The following NDUFAF6 variants were observed in gnomAD, a reference collection of about 807,000 sequenced individuals.
The protein encoded by NDUFAF6 is NADH dehydrogenase (ubiquinone) complex I, assembly factor 6.
NDUFAF6 carries 45 observed loss-of-function variants against 40.8 expected under a neutral mutation model. The ratio of observed to expected loss-of-function variants is 1.10; its 90% CI spans 0.87 to 1.42. The LOEUF (loss-of-function observed/expected upper bound fraction) is 1.42, where lower values mean the gene tolerates loss of function less well. NDUFAF6 is among the 40% of genes most tolerant of loss of function. NDUFAF6 has a pLI of 0.00. For synonymous variants in NDUFAF6, 185 were observed against 155.9 expected, an observed-to-expected ratio of 1.19 and a Z score of -1.39; for missense variants, 435 against 418.5, an observed-to-expected ratio of 1.04 and a Z score of -0.34.
At chr8:94,965,571 A>G (rs1823947284) in intron 1 of NDUFAF6, among the ~76,000 whole-genome samples, 1 of 152,246 alleles carries the variant, frequency 6.6e-6, no homozygotes, top group Non-Finnish European at 1.5e-5. Flanking sequence ...GGAATAAGCC[A>G]GACAAGGGCT....
intron 1 of NDUFAF6, among the ~76,000 whole-genome samples, chr8:94,969,840 G>A (rs564426309): frequency 6.6e-6 from 1 of 152,236 alleles, no homozygotes; most frequent in African/African-American, 2.4e-5. Context: ...TAAGAAAAAT[G>A]CTAAGACCTT....
At chr8:94,956,600 C>T (rs1823094831), upstream of NDUFAF6, among the ~76,000 whole-genome samples, 1 of 152,008 alleles carries the variant, frequency 6.6e-6, no homozygotes, top group African/African-American at 2.4e-5. Context: ...TGAAAGGATT[C>T]AATAATTTCA....
At chr8:95,000,954 C>CTTTT (rs1158530408) in intron 2 of NDUFAF6, among the ~76,000 whole-genome samples, 29 of 134,016 alleles carry the variant, frequency 2.2e-4, no homozygotes, top group African/African-American at 8.0e-4. Flanking sequence ...CTTCCCCTTA[C>CTTTT]TTTTTTTTTT....
At chr8:95,042,287 G>A (rs1172907859) in intron 4 of NDUFAF6, among the ~76,000 whole-genome samples, 1 of 152,166 alleles carries the variant, frequency 6.6e-6, no homozygotes, top group Non-Finnish European at 1.5e-5. Flanking sequence ...TTAGGTCTGT[G>A]TTCCCCTTGG....
At chr8:95,079,513 C>G (rs1808747833), downstream of NDUFAF6, among the ~76,000 whole-genome samples, 1 of 152,006 alleles carries the variant, frequency 6.6e-6, no homozygotes, top group Non-Finnish European at 1.5e-5. Flanking sequence ...CCATGACATT[C>G]CATTCAAAGG....
intron 8 of NDUFAF6, among the ~76,000 whole-genome samples, chr8:95,056,673 G>A (rs911947403): frequency 6.6e-6 from 1 of 152,024 alleles, no homozygotes; most frequent in Non-Finnish European, 1.5e-5. Context: ...TTGGGAGGCC[G>A]AGGAGGATGG....
chr8:95,018,307 G>A (rs563547515), intron 2 of NDUFAF6, among the ~76,000 whole-genome samples: 2 of 152,016 alleles, frequency 1.3e-5, no homozygotes, highest in South Asian at 4.2e-4. Flanking sequence ...CAAGTGCGGT[G>A]ATTACAGGTG....
intron 2 of NDUFAF6, among the ~76,000 whole-genome samples, chr8:95,011,295 C>T (rs77079904): frequency 0.012 from 1,810 of 152,300 alleles, 46 homozygotes; most frequent in African/African-American, 0.04. Flanking sequence ...TTGTCCCTTT[C>T]CCAAAGAGAC....
At chr8:94,923,739 A>C (rs1236781086) in intron 1 of NDUFAF6, among the ~76,000 whole-genome samples, 1 of 138,256 alleles carries the variant, frequency 7.2e-6, no homozygotes, top group Admixed American at 7.3e-5. Context: ...GAGTGCAGTG[A>C]GGGGATCTTG....
chr8:94,948,329 T>C (rs1470597835), intron 2 of NDUFAF6, among the ~76,000 whole-genome samples: 1 of 152,208 alleles, frequency 6.6e-6, no homozygotes, highest in East Asian at 1.9e-4. Flanking sequence ...GCCTATTTCA[T>C]ATAAGGTTAT....
At chr8:95,016,931 CTTTTTTT>C (rs34316218) in intron 2 of NDUFAF6, among the ~76,000 whole-genome samples, 1 of 108,046 alleles carries the variant, frequency 9.3e-6, no homozygotes, top group Non-Finnish European at 1.8e-5. Flanking sequence ...TCCTCCTCCT[CTTTTTTT>C]TTTTTTTTTT....
chr8:95,083,431 C>A (rs1326192199), intron 2 of NDUFAF6, among the ~76,000 whole-genome samples: 1 of 152,140 alleles, frequency 6.6e-6, no homozygotes, highest in Non-Finnish European at 1.5e-5. Context: ...TTTAATACTT[C>A]CTAAGACTTT....
At chr8:95,093,913 CT>C (rs1809351661) in intron 2 of NDUFAF6, among the ~76,000 whole-genome samples, 1 of 152,190 alleles carries the variant, frequency 6.6e-6, no homozygotes, top group Non-Finnish European at 1.5e-5. Context: ...TAGCTACCTT[CT>C]TTTCTTTTGT....
intron 1 of NDUFAF6, among the ~76,000 whole-genome samples, chr8:94,902,715 A>G (rs1372925761): frequency 5.1e-5 from 6 of 118,186 alleles, no homozygotes; most frequent in Admixed American, 1.9e-4. Flanking sequence ...TTTTTTTGAG[A>G]TGGAGTCTCA....
At chr8:94,947,724 T>C (rs1822146576) in intron 2 of NDUFAF6, among the ~76,000 whole-genome samples, 1 of 152,136 alleles carries the variant, frequency 6.6e-6, no homozygotes, top group Non-Finnish European at 1.5e-5. Context: ...CAAGAGTAAG[T>C]GGTAATTCAT....
intron 2 of NDUFAF6, among the ~76,000 whole-genome samples, chr8:95,092,889 A>G (rs1179836453): frequency 1.3e-5 from 2 of 152,184 alleles, no homozygotes; most frequent in Admixed American, 6.5e-5. Context: ...GGCCTGCTGA[A>G]GCCTTTTAAG....
chr8:95,026,422 C>T (rs994173549), intron 1 of NDUFAF6, among the ~76,000 whole-genome samples: 1 of 152,096 alleles, frequency 6.6e-6, no homozygotes, highest in South Asian at 2.1e-4. Flanking sequence ...GAACCAAGAT[C>T]GCTCCACTGC....
At chr8:95,093,704 C>T (rs1229631903) in intron 2 of NDUFAF6, among the ~76,000 whole-genome samples, 1 of 152,132 alleles carries the variant, frequency 6.6e-6, no homozygotes, top group Non-Finnish European at 1.5e-5. Flanking sequence ...AACCCTGGCC[C>T]AAATAAACTA....
chr8:95,048,811 T>C (rs1374372013), intron 7 of NDUFAF6, among the ~76,000 whole-genome samples: 2 of 152,234 alleles, frequency 1.3e-5, no homozygotes, highest in Non-Finnish European at 2.9e-5. Flanking sequence ...GGCTCCTCTG[T>C]GCTCCATCCA....
Sources: gnomAD v4.1 joint callset for allele counts (sites outside exome capture counted in the v4.1 genomes callset) on GRCh38, gnomAD v4.1.1 for gene constraint, MANE v1.5 for transcripts, NCBI Gene and HGNC (gene_info 2026-07-23, HGNC 2026-07-21) for gene names.